The following PDE9A variants were observed in gnomAD, a reference collection of about 807,000 sequenced individuals.
The protein encoded by PDE9A is phosphodiesterase 9A.
Under a neutral mutation model 87.4 loss-of-function variants are expected in PDE9A, and 60 were observed. The ratio of observed to expected loss-of-function variants is 0.69; its 90% CI spans 0.56 to 0.85. The LOEUF (loss-of-function observed/expected upper bound fraction) is 0.85, where lower values mean the gene tolerates loss of function less well. Among genes scored for constraint, PDE9A ranks in the 40% least tolerant of loss-of-function variants. The pLI is 0.00. For synonymous variants in PDE9A, 272 were observed against 279.4 expected (o/e 0.97, Z 0.27); for missense variants, 665 against 779.0 (o/e 0.85, Z 1.74).
intron 1 of PDE9A, among the ~76,000 whole-genome samples, chr21:42,670,358 CCACACACACATT>C (rs1412146212): frequency 5.6e-5 from 7 of 124,738 alleles, no homozygotes; most frequent in South Asian, 2.3e-4. Context: ...ACACACACAT[CCACACACACATT>C]CACACACATT....
At chr21:42,763,351 C>T (rs1326052988) in intron 14 of PDE9A, among the ~76,000 whole-genome samples, 2 of 152,076 alleles carry the variant, frequency 1.3e-5, no homozygotes, top group Non-Finnish European at 2.9e-5. Flanking sequence ...CTAAGGGGGC[C>T]GTAAATCCAA....
intron 1 of PDE9A, among the ~76,000 whole-genome samples, chr21:42,673,507 C>G (rs2058674337): frequency 6.6e-6 from 1 of 152,224 alleles, no homozygotes; most frequent in Non-Finnish European, 1.5e-5. Context: ...AGCAACTGAA[C>G]CCTTTTCCTC....
At chr21:42,666,054 C>T (rs1003292217) in intron 1 of PDE9A, among the ~76,000 whole-genome samples, 4 of 152,212 alleles carry the variant, frequency 2.6e-5, no homozygotes, top group Admixed American at 2.6e-4. Context: ...GGCCTTCAGG[C>T]CCTGACATCT....
At position 42,659,806 on chromosome 21, in the gene PDE9A, G is replaced by C. The variant is rs2057350467; in HGVS notation, c.69+5923G>C. On this transcript the variant is annotated intron_variant, in intron 1 of 19. Transcript: ENST00000291539. This position sits in a 1 kb window ranked among gnomAD's most constrained non-coding sequence, Gnocchi z 4.1. Reference sequence around the variant, plus strand: ...AGCCAGCCTCTCCGGAGCTCAGTGTGGGTGGAGGGGCTGTCTGGCCTCAGA... The same window carrying C: ...AGCCAGCCTCTCCGGAGCTCAGTGTCGGTGGAGGGGCTGTCTGGCCTCAGA... Among the ~76,000 whole-genome samples, 1 of 152,248 alleles carries C rather than the reference G, an allele frequency of 6.6e-6. No homozygotes were observed. The highest frequency in any genetic ancestry group is 2.4e-5 in the African/African-American group (1 of 41,470).
Position 42,739,476 on chromosome 21 carries a change from C to T in PDE9A, c.569-4300C>T, listed in dbSNP as rs34331147. Among the ~76,000 whole-genome samples, 4,176 of 152,328 alleles carry T rather than the reference C, an allele frequency of 0.027. 85 individuals are homozygous for T. The highest frequency in any genetic ancestry group is 0.05 in the South Asian group (241 of 4,830). ...ACATCCACCACATGCTCACCTCTGC[C>T]TCCTCCTGCAGACCTCCCCGCCAGC... On this transcript the variant is annotated intron_variant, in intron 7 of 19. Coordinates refer to ENST00000291539, the MANE Select transcript of PDE9A (RefSeq NM_002606.3). The surrounding 1 kb of genome is among the most constrained non-coding windows in gnomAD (Gnocchi z 4.1).
intron 4 of PDE9A, among the ~76,000 whole-genome samples, chr21:42,721,896 G>C (rs1405472245): frequency 6.6e-6 from 1 of 152,028 alleles, no homozygotes; most frequent in Non-Finnish European, 1.5e-5. Flanking sequence ...GGCAAGTAAT[G>C]TGAATTATTT....
At chr21:42,673,361 G>T (rs1014954450) in intron 1 of PDE9A, among the ~76,000 whole-genome samples, 7 of 152,152 alleles carry the variant, frequency 4.6e-5, no homozygotes, top group Non-Finnish European at 1.0e-4. Context: ...GCCCAGGCCT[G>T]CCCAGGTGGA....
intron 4 of PDE9A, among the ~76,000 whole-genome samples, chr21:42,708,162 A>G (rs990625578): frequency 1.3e-5 from 2 of 152,166 alleles, no homozygotes; most frequent in Non-Finnish European, 2.9e-5. Flanking sequence ...AGTCATCCTT[A>G]CTTGCATTTT....
intron 1 of PDE9A, among the ~76,000 whole-genome samples, chr21:42,656,689 G>T (rs896811148): frequency 6.6e-6 from 1 of 152,226 alleles, no homozygotes; most frequent in African/African-American, 2.4e-5. Context: ...GAATTTGGGG[G>T]ATTGTCTTCC....
At chr21:42,661,799 T>C (rs967584643) in intron 1 of PDE9A, among the ~76,000 whole-genome samples, 3 of 152,244 alleles carry the variant, frequency 2.0e-5, no homozygotes, top group African/African-American at 7.2e-5. Flanking sequence ...GTCATGGCTG[T>C]GCTGCTTTGC....
At position 42,659,359 on chromosome 21, in the gene PDE9A, T is replaced by C. The variant is rs1025256205; in HGVS notation, c.69+5476T>C. On this transcript the variant is annotated intron_variant, in intron 1 of 19. Coordinates refer to ENST00000291539, the MANE Select transcript of PDE9A (RefSeq NM_002606.3). The surrounding 1 kb of genome is among the most constrained non-coding windows in gnomAD (Gnocchi z 4.1). ...GCCCAATCTGGGAATCCAGGAGGGCTGGTCCCATAGAGTGGTGGGGACATG... is the reference window on the plus strand; with the variant it reads ...GCCCAATCTGGGAATCCAGGAGGGCCGGTCCCATAGAGTGGTGGGGACATG... Among the ~76,000 whole-genome samples, 27 of 152,240 alleles carry C rather than the reference T, an allele frequency of 1.8e-4. No homozygotes were observed. The highest frequency in any genetic ancestry group is 3.2e-4 in the Non-Finnish European group (22 of 68,042).
rs2055636191 is a variant in PDE9A, at chr21:42,760,698, A to T, written c.1003-127A>T. The stretch of plus-strand genomic sequence containing the variant: ...CAGGCCGATCCTCTCCCACCATGCC[A>T]GGAGATGCCAGATGGCTGCAGGGGC... On this transcript the variant is annotated intron_variant, in intron 12 of 19. Coordinates refer to ENST00000291539, the MANE Select transcript of PDE9A (RefSeq NM_002606.3). The surrounding 1 kb of genome is among the most constrained non-coding windows in gnomAD (Gnocchi z 5.2). 1 of 564,220 alleles carries T rather than the reference A, an allele frequency of 1.8e-6. No individual in the cohort carries two copies. The highest frequency in any genetic ancestry group is 4.5e-5 in the East Asian group (1 of 22,116). The allele number at this position is 564,220 out of a possible 1,614,324, so 35.0% of individuals were successfully genotyped here.
At position 42,696,472 on chromosome 21, in the gene PDE9A, G is replaced by C. The variant is rs2060144438; in HGVS notation, c.219-2496G>C. On this transcript the variant is annotated intron_variant, in intron 3 of 19. Coordinates refer to ENST00000291539, the MANE Select transcript of PDE9A (RefSeq NM_002606.3). The surrounding 1 kb of genome is among the most constrained non-coding windows in gnomAD (Gnocchi z 5.1). ...AGACACAGGAGAAGAAAGTCGGAGA[G>C]GAGTGGGGAGCCAGGGTGGCAAAGC... Among the ~76,000 whole-genome samples, 1 of 152,234 alleles carries C rather than the reference G, an allele frequency of 6.6e-6. No homozygotes were observed. The highest frequency in any genetic ancestry group is 1.5e-5 in the Non-Finnish European group (1 of 68,038).
chr21:42,683,130 G>A (rs777127534), intron 1 of PDE9A, among the ~76,000 whole-genome samples: 7 of 152,190 alleles, frequency 4.6e-5, no homozygotes, highest in Admixed American at 1.3e-4. Context: ...AAAGTAAAGC[G>A]TTCCTCACTC....
At chr21:42,754,345 C>T (rs930781222) in intron 10 of PDE9A, among the ~76,000 whole-genome samples, 1 of 152,134 alleles carries the variant, frequency 6.6e-6, no homozygotes, top group African/African-American at 2.4e-5. Context: ...TGGCGCTGGG[C>T]CCCCCGAGCC....
At chr21:42,729,771 A>G (rs1251458795) in intron 4 of PDE9A, among the ~76,000 whole-genome samples, 1 of 152,156 alleles carries the variant, frequency 6.6e-6, no homozygotes, top group Non-Finnish European at 1.5e-5. Context: ...TAAGTTATTT[A>G]GAAGTGTGTT....
intron 18 of PDE9A, 85 bp from the exon 19 acceptor site, chr21:42,772,354 G>A (rs537212461): frequency 9.1e-6 from 8 of 877,130 alleles, no homozygotes; most frequent in Admixed American, 2.2e-5. Flanking sequence ...AGCACCTCCA[G>A]GCAACAGAAG....
intron 4 of PDE9A, among the ~76,000 whole-genome samples, chr21:42,726,516 G>A (rs1359497941): frequency 1.4e-5 from 2 of 145,646 alleles, no homozygotes; most frequent in Non-Finnish European, 3.0e-5. Flanking sequence ...TTTCTTGTTG[G>A]CCTGCGGATA....
intron 4 of PDE9A, among the ~76,000 whole-genome samples, chr21:42,719,242 A>C (rs1245411300): frequency 6.6e-6 from 1 of 151,788 alleles, no homozygotes; most frequent in Non-Finnish European, 1.5e-5. Flanking sequence ...CCTCTCTGAC[A>C]ACCTAAAACT....
Sources: gnomAD v4.1 joint callset for allele counts (sites outside exome capture counted in the v4.1 genomes callset) on GRCh38, gnomAD v4.1.1 for gene constraint, Gnocchi (gnomAD v3.1) non-coding constraint, MANE v1.5 for transcripts, NCBI Gene and HGNC (gene_info 2026-07-23, HGNC 2026-07-21) for gene names.